Variants in KCND2 observed in about 807,000 individuals in gnomAD.
KCND2 encodes the protein potassium voltage-gated channel subfamily D member 2.
In KCND2, 16 loss-of-function variants were observed where a neutral mutation model predicts 54.4. The observed-to-expected ratio is 0.29, with a 90% CI of 0.20 to 0.45. The LOEUF (loss-of-function observed/expected upper bound fraction) is 0.45. Among genes scored for constraint, KCND2 ranks in the 20% least tolerant of loss-of-function variants. The pLI, the probability that KCND2 is intolerant of heterozygous loss-of-function variation, is 1.00. For synonymous variants in KCND2, 317 were observed against 310.7 expected, an observed-to-expected ratio of 1.02 and a Z score of -0.21; for missense variants, 486 against 824.2, an observed-to-expected ratio of 0.59 and a Z score of 5.02.
At chr7:120,729,231 C>T (rs1792775441) in intron 1 of KCND2, among the ~76,000 whole-genome samples, 1 of 152,144 alleles carries the variant, frequency 6.6e-6, no homozygotes, top group African/African-American at 2.4e-5. Context: ...TCCATTTCTC[C>T]AGGTCACTAC....
At chr7:120,606,189 G>T (rs1289246608) in intron 1 of KCND2, among the ~76,000 whole-genome samples, 2 of 151,998 alleles carry the variant, frequency 1.3e-5, no homozygotes, top group African/African-American at 4.8e-5. Flanking sequence ...TTCTCAAGTG[G>T]CAGTATGAAA....
chr7:120,368,258 T>C (rs1163390978), intron 1 of KCND2, among the ~76,000 whole-genome samples: 2 of 152,076 alleles, frequency 1.3e-5, no homozygotes, highest in Non-Finnish European at 2.9e-5. Context: ...TTTTTCTTCT[T>C]AGTGGTGAAA....
chr7:120,439,476 A>G (rs567897309), intron 1 of KCND2, among the ~76,000 whole-genome samples: 22 of 152,188 alleles, frequency 1.4e-4, no homozygotes, highest in African/African-American at 4.8e-4. Context: ...TAGCATACCC[A>G]TCACCTCAAA....
intron 1 of KCND2, among the ~76,000 whole-genome samples, chr7:120,589,268 G>A (rs1792640648): frequency 6.6e-6 from 1 of 152,168 alleles, no homozygotes; most frequent in African/African-American, 2.4e-5. Flanking sequence ...GATTCACCAT[G>A]TCAAATAAAT....
intron 1 of KCND2, among the ~76,000 whole-genome samples, chr7:120,423,226 A>T (rs1251306983): frequency 6.6e-6 from 1 of 152,162 alleles, no homozygotes; most frequent in Non-Finnish European, 1.5e-5. Context: ...AAGGGCATTG[A>T]TAAACTTCAC....
intron 1 of KCND2, among the ~76,000 whole-genome samples, chr7:120,720,178 A>G (rs949985991): frequency 3.3e-5 from 5 of 152,138 alleles, no homozygotes; most frequent in African/African-American, 9.7e-5. Context: ...TTAGTTTTTA[A>G]CATAATAAGT....
In KCND2 at chr7:120,324,284, G is replaced by T. The variant is rs1379770615; in HGVS notation, c.1115+48537G>T. Among the ~76,000 whole-genome samples the T allele has an allele frequency of 2.7e-5, 4 of 149,976 alleles. No individual in the cohort carries two copies. The East Asian group carries it at 7.9e-4, about 30-fold the overall frequency. The stretch of plus-strand genomic sequence containing the variant: ...CTCTGATGGGAGTTTCTTTTGCTGT[G>T]CAGAAGCTCTTTAGTTTAATTAGAT... On this transcript the variant is annotated intron_variant, in intron 1 of 5. Coordinates refer to ENST00000331113, the MANE Select transcript of KCND2 (RefSeq NM_012281.3).
chr7:120,280,308 A>T (rs1442113474), intron 1 of KCND2, among the ~76,000 whole-genome samples: 1 of 152,052 alleles, frequency 6.6e-6, no homozygotes, highest in African/African-American at 2.4e-5. Context: ...CACTTGAATT[A>T]GAGACAATAT....
intron 1 of KCND2, among the ~76,000 whole-genome samples, chr7:120,633,250 A>G (rs570221064): frequency 1.1e-4 from 17 of 152,304 alleles, no homozygotes; most frequent in Admixed American, 7.8e-4. Context: ...AAGGAGAACA[A>G]TGCCACTTGT....
chr7:120,551,610 A>T (rs1792105797), intron 1 of KCND2, among the ~76,000 whole-genome samples: 1 of 152,066 alleles, frequency 6.6e-6, no homozygotes, highest in Non-Finnish European at 1.5e-5. Context: ...TTTCATACTT[A>T]AAAAAAATTG....
intron 1 of KCND2, among the ~76,000 whole-genome samples, chr7:120,396,797 A>G (rs1801161523): frequency 1.3e-5 from 2 of 152,056 alleles, no homozygotes; most frequent in Admixed American, 1.3e-4. Flanking sequence ...ATTGCCTTAC[A>G]TACCACAGAC....
At chr7:120,365,401 GT>G (rs1800656214) in intron 1 of KCND2, among the ~76,000 whole-genome samples, 1 of 152,064 alleles carries the variant, frequency 6.6e-6, no homozygotes, top group South Asian at 2.1e-4. Context: ...AATCTAGCAG[GT>G]TTTTTACTGG....
rs186152346 is a variant in KCND2, at chr7:120,648,284, G to T, written c.1116-84619G>T. Among the ~76,000 whole-genome samples, 167 of 151,932 alleles carry T rather than the reference G, an allele frequency of 1.1e-3. 1 individual carries two copies. Among genetic ancestry groups the T allele is most frequent in the African/African-American group, 3.3e-3 (136 of 41,454 alleles). On this transcript the variant is annotated intron_variant, in intron 1 of 5. Coordinates refer to ENST00000331113, the MANE Select transcript of KCND2 (RefSeq NM_012281.3). ...GAATGAATGAGTTTGGATAGTGCAG[G>T]TCAAAAAAAGGAGAGAGAAAATGAA...
chr7:120,524,687 T>C (rs191423605), intron 1 of KCND2, among the ~76,000 whole-genome samples: 45 of 152,322 alleles, frequency 3.0e-4, no homozygotes, highest in Admixed American at 9.2e-4. Context: ...TTCACTCATT[T>C]TGGCAATTTT....
chr7:120,510,971 G>A (rs1271124003), intron 1 of KCND2, among the ~76,000 whole-genome samples: 3 of 149,536 alleles, frequency 2.0e-5, no homozygotes, highest in Non-Finnish European at 4.4e-5. Context: ...AAAATACTCT[G>A]CATGGCCTCC....
intron 1 of KCND2, among the ~76,000 whole-genome samples, chr7:120,293,063 C>G (rs191919519): frequency 7.9e-5 from 12 of 151,930 alleles, no homozygotes; most frequent in African/African-American, 2.7e-4. Context: ...GCTATAAAAC[C>G]TTTCTGTTCT....
At chr7:120,714,709 C>G (rs1792581536) in intron 1 of KCND2, among the ~76,000 whole-genome samples, 1 of 151,970 alleles carries the variant, frequency 6.6e-6, no homozygotes, top group African/African-American at 2.4e-5. Flanking sequence ...GTCAAGACAT[C>G]CTTCTTTTCT....
intron 1 of KCND2, among the ~76,000 whole-genome samples, chr7:120,388,276 G>A (rs1342544568): frequency 6.6e-6 from 1 of 152,016 alleles, no homozygotes; most frequent in African/African-American, 2.4e-5. Context: ...GTTCAACTAT[G>A]TAGTGTTGTC....
chr7:120,539,191 T>C (rs1203420627), intron 1 of KCND2, among the ~76,000 whole-genome samples: 2 of 152,182 alleles, frequency 1.3e-5, no homozygotes, highest in African/African-American at 4.8e-5. Context: ...AGATATTACA[T>C]AGCATATGCA....
Sources: gnomAD v4.1 joint callset for allele counts (sites outside exome capture counted in the v4.1 genomes callset) on GRCh38, gnomAD v4.1.1 for gene constraint, MANE v1.5 for transcripts, NCBI Gene and HGNC (gene_info 2026-07-23, HGNC 2026-07-21) for gene names.